Variants in TRIM44 observed in about 807,000 individuals in gnomAD.
TRIM44 encodes tripartite motif-containing protein 44.
TRIM44 carries 13 observed loss-of-function variants against 37.4 expected under a neutral mutation model. The ratio of observed to expected loss-of-function variants is 0.35; its 90% CI spans 0.23 to 0.55. The LOEUF (loss-of-function observed/expected upper bound fraction) is 0.55. TRIM44 is among the 20% of genes least tolerant of loss of function. The pLI, the probability that TRIM44 is intolerant of heterozygous loss-of-function variation, is 0.89. For missense variants in TRIM44, 426 were observed against 437.2 expected (o/e 0.97, Z 0.23); for synonymous variants, 175 against 157.2 (o/e 1.11, Z -0.85).
intron 4 of TRIM44, among the ~76,000 whole-genome samples, chr11:35,803,763 G>A (rs775468001): frequency 2.1e-4 from 32 of 152,068 alleles, no homozygotes; most frequent in Non-Finnish European, 4.3e-4. Context: ...GAACATAGAT[G>A]AGCTTATATA....
In TRIM44 at chr11:35,663,699, C is replaced by T. The variant is rs199988558; in HGVS notation, c.588C>T (p.Leu196=). The T allele has an allele frequency of 3.9e-5, 63 of 1,614,148 alleles. 1 individual carries two copies. The South Asian group carries it at 6.3e-4, about 16-fold the overall frequency. Residue 196 remains leucine, a synonymous_variant, in exon 1 of 5, where the codon CTC becomes CTT. Coordinates refer to ENST00000299413, the MANE Select transcript of TRIM44 (RefSeq NM_017583.6). ...LSTYCQEDRQ[L]ICVLCPVIGA... ...CCTATTGCCAGGAAGATAGGCAGCTCATCTGTGTCCTGTGTCCAGTCATTG... is the reference window on the plus strand; with the variant it reads ...CCTATTGCCAGGAAGATAGGCAGCTTATCTGTGTCCTGTGTCCAGTCATTG...
At chr11:35,664,245 T>C (rs1565400247) in intron 1 of TRIM44, among the ~76,000 whole-genome samples, 3 of 152,204 alleles carry the variant, frequency 2.0e-5, no homozygotes, top group Non-Finnish European at 1.5e-5. Flanking sequence ...ATAGTTTTAA[T>C]AGTAACTTCA....
chr11:35,781,491 G>A (rs1050215291), intron 4 of TRIM44, among the ~76,000 whole-genome samples: 5 of 152,092 alleles, frequency 3.3e-5, no homozygotes, highest in East Asian at 1.9e-4. Flanking sequence ...CCTGAGGAGC[G>A]ACTCACTGTA....
intron 4 of TRIM44, among the ~76,000 whole-genome samples, chr11:35,742,426 A>G (rs1439804342): frequency 7.1e-6 from 1 of 140,498 alleles, no homozygotes; most frequent in Non-Finnish European, 1.5e-5. Flanking sequence ...TAATGTTAAT[A>G]TATTAATATT....
intron 4 of TRIM44, among the ~76,000 whole-genome samples, chr11:35,776,941 G>A (rs562558773): frequency 1.3e-5 from 2 of 152,210 alleles, no homozygotes; most frequent in South Asian, 2.1e-4. Flanking sequence ...GTTGATTTGG[G>A]GTGGAGAGTT....
At chr11:35,743,834 A>T (rs1429479229) in intron 4 of TRIM44, among the ~76,000 whole-genome samples, 2 of 152,202 alleles carry the variant, frequency 1.3e-5, no homozygotes. Flanking sequence ...TGTCCATGAT[A>T]CCTTGGCGTG....
At chr11:35,693,016 A>G (rs560890577) in intron 2 of TRIM44, among the ~76,000 whole-genome samples, 1 of 152,286 alleles carries the variant, frequency 6.6e-6, no homozygotes, top group Admixed American at 6.5e-5. Context: ...GCAGCCCCCC[A>G]GAATCACAGC....
At chr11:35,754,066 AG>A (rs1397776191) in intron 4 of TRIM44, among the ~76,000 whole-genome samples, 2 of 151,504 alleles carry the variant, frequency 1.3e-5, no homozygotes, top group Non-Finnish European at 2.9e-5. Flanking sequence ...AAAGAAAAAA[AG>A]AAATTTATTG....
intron 1 of TRIM44, among the ~76,000 whole-genome samples, chr11:35,673,763 G>A (rs1013098711): frequency 9.9e-5 from 15 of 152,116 alleles, no homozygotes; most frequent in Non-Finnish European, 2.2e-4. Flanking sequence ...TGCTGATGCA[G>A]TAGGCTTATT....
intron 2 of TRIM44, among the ~76,000 whole-genome samples, chr11:35,690,036 G>C (rs145616632): frequency 1.3e-5 from 2 of 152,168 alleles, no homozygotes; most frequent in African/African-American, 2.4e-5. Context: ...TCAAAAAGAA[G>C]CATCTTAAAA....
chr11:35,676,245 C>T (rs1259220780), intron 1 of TRIM44, among the ~76,000 whole-genome samples: 1 of 152,188 alleles, frequency 6.6e-6, no homozygotes, highest in African/African-American at 2.4e-5. Context: ...CATAAGCCCT[C>T]AGCAATGGGT....
chr11:35,743,511 G>T (rs948712310), intron 4 of TRIM44, among the ~76,000 whole-genome samples: 1 of 152,190 alleles, frequency 6.6e-6, no homozygotes, highest in Non-Finnish European at 1.5e-5. Context: ...AGCATTTAAA[G>T]TATTCCCCTT....
chr11:35,740,079 C>T, intron 4 of TRIM44, among the ~76,000 whole-genome samples: 1 of 115,788 alleles, frequency 8.6e-6, no homozygotes. Flanking sequence ...AGCCTGGTGA[C>T]AGAGCAAGAC....
chr11:35,760,473 C>G (rs566562691), intron 4 of TRIM44, among the ~76,000 whole-genome samples: 1 of 152,334 alleles, frequency 6.6e-6, no homozygotes, highest in Non-Finnish European at 1.5e-5. Flanking sequence ...CCTGCTTAAG[C>G]TCATGCTTGG....
At chr11:35,675,606 C>T (rs1851451767) in intron 1 of TRIM44, among the ~76,000 whole-genome samples, 1 of 152,172 alleles carries the variant, frequency 6.6e-6, no homozygotes, top group South Asian at 2.1e-4. Flanking sequence ...ACTGCAACCT[C>T]CGCCTCCCGG....
At chr11:35,744,730 ACCCTCTGACAGGC>A (rs1852464898) in intron 4 of TRIM44, among the ~76,000 whole-genome samples, 1 of 151,652 alleles carries the variant, frequency 6.6e-6, no homozygotes, top group Non-Finnish European at 1.5e-5. Context: ...CCCACACCCA[ACCCTCTGACAGGC>A]CCCAATTTGT....
chr11:35,806,640 GTCCTTCAGGTAA>G lies in TRIM44; in HGVS notation c.*259_*270del. The stretch of plus-strand genomic sequence containing the variant: ...GATCCACCAGGAGCAATTAAGAAAG[GTCCTTCAGGTAA>G]TCCCTCAATGGCTGCTTTGAACTTA... On this transcript the variant is annotated 3_prime_UTR_variant, in exon 5 of 5. Transcript: ENST00000299413. 1 of 464,536 alleles carries G rather than the reference GTCCTTCAGGTAA, an allele frequency of 2.2e-6. No individual in the cohort carries two copies. The highest frequency in any genetic ancestry group is 3.6e-5 in the South Asian group (1 of 27,718). 28.8% of individuals were successfully genotyped at this position (464,536 alleles called of 1,614,324 possible).
chr11:35,671,719 A>G (rs1442756124), intron 1 of TRIM44, among the ~76,000 whole-genome samples: 1 of 152,180 alleles, frequency 6.6e-6, no homozygotes, highest in African/African-American at 2.4e-5. Flanking sequence ...TGCTAGGCCA[A>G]ATGGACTGAG....
At chr11:35,720,414 T>TCC (rs1198765321) in intron 2 of TRIM44, among the ~76,000 whole-genome samples, 67 of 148,700 alleles carry the variant, frequency 4.5e-4, no homozygotes, top group African/African-American at 1.6e-3. Flanking sequence ...GGAGGTTTTT[T>TCC]TCTTTTTTTT....
Sources: gnomAD v4.1 joint callset for allele counts (sites outside exome capture counted in the v4.1 genomes callset) on GRCh38, gnomAD v4.1.1 for gene constraint, MANE v1.5 for transcripts, NCBI Gene and HGNC (gene_info 2026-07-23, HGNC 2026-07-21) for gene names.